The following PDXDC1 variants were observed in gnomAD, a reference collection of about 807,000 sequenced individuals.
The protein encoded by PDXDC1 is pyridoxal dependent decarboxylase domain containing 1.
A neutral mutation model predicts 100.1 loss-of-function variants in PDXDC1; 42 were observed. The ratio of observed to expected loss-of-function variants is 0.42; its 90% confidence interval spans 0.33 to 0.54. The LOEUF is 0.54. Among genes scored for constraint, PDXDC1 ranks in the 20% least tolerant of loss-of-function variants. The pLI is 0.10. For missense variants in PDXDC1, 636 were observed against 979.2 expected (o/e 0.65, Z 4.68); for synonymous variants, 260 against 371.7 (o/e 0.70, Z 3.46).
rs908872470 is a variant in PDXDC1 at position 15,061,979 on chromosome 16, G to C, written c.1399+31923G>C. 26 of 1,433,580 alleles carry C rather than the reference G, an allele frequency of 1.8e-5. No homozygotes were observed. In the African/African-American group the frequency reaches 3.4e-4, roughly 19 times the overall value. The allele number at this position is 1,433,580 out of a possible 1,614,324, so 88.8% of individuals were successfully genotyped here. A position where few individuals can be genotyped will look rare whatever the true frequency, so the allele number is the denominator to read the frequency against. ...AAGCTTTCAACAATTCCTTCCTCAG[G>C]AAGGTGTTAACGTTTGTAAAGATGG... is the stretch of plus-strand genomic sequence containing the variant. On this transcript the variant is annotated intron_variant, in intron 16 of 16. Coordinates refer to the PDXDC1 transcript ENST00000535621.
At chr16:15,078,881 G>A (rs1409693029) in intron 16 of PDXDC1, among the ~76,000 whole-genome samples, 2 of 148,968 alleles carry the variant, frequency 1.3e-5, no homozygotes, top group African/African-American at 2.5e-5. Context: ...GCGCAATCTC[G>A]GCTCACTGCA....
chr16:15,037,872 TTTTATTTTGAAA>T lies in PDXDC1; in HGVS notation c.*1598_*1609del. 3.7e-6 allele frequency: 2 copies of T among 535,924 alleles called. No individual in the cohort carries two copies. Among genetic ancestry groups the T allele is most frequent in the Non-Finnish European group, 6.6e-6 (2 of 304,548 alleles). 33.2% of individuals were successfully genotyped at this position (535,924 alleles called of 1,614,324 possible). ...AACAAATGCCTTTGCCAAAATAAGG[TTTTATTTTGAAA>T]GTCATTTGATGAAAGTCATTTGAAA... On this transcript the variant is annotated 3_prime_UTR_variant, in exon 23 of 23. Coordinates refer to ENST00000396410, the MANE Select transcript of PDXDC1 (RefSeq NM_015027.4).
At chr16:15,077,232 G>A (rs1196805861) in intron 16 of PDXDC1, among the ~76,000 whole-genome samples, 14 of 151,994 alleles carry the variant, frequency 9.2e-5, no homozygotes, top group Admixed American at 9.2e-4. Context: ...ACCGGCCTCA[G>A]CTTCCCAAAG....
intron 16 of PDXDC1, among the ~76,000 whole-genome samples, chr16:15,066,541 G>T (rs1470923907): frequency 6.6e-6 from 1 of 151,874 alleles, no homozygotes; most frequent in Non-Finnish European, 1.5e-5. Flanking sequence ...GCTGAGGCAG[G>T]AGAACTGCAT....
At chr16:15,017,711 C>T (rs1259649722) in intron 11 of PDXDC1, among the ~76,000 whole-genome samples, 1 of 152,142 alleles carries the variant, frequency 6.6e-6, no homozygotes, top group African/African-American at 2.4e-5. Flanking sequence ...TAATTATTTC[C>T]TTAGAATAGG....
At position 15,033,376 on chromosome 16, in the gene PDXDC1, C is replaced by T. The variant is rs778748449; in HGVS notation, c.1789C>T (p.Arg597Trp). ...CGTGGAGACCATTGCGGCCACAGCCCGGGAGATAGAGGAGAACTCGAGGGT... is the reference window on the plus strand; with the variant it reads ...CGTGGAGACCATTGCGGCCACAGCCTGGGAGATAGAGGAGAACTCGAGGGT... ...ELVETIAATAREIEENSRLLE... is the reference protein window; with the variant it reads ...ELVETIAATAWEIEENSRLLE... The change falls in exon 19 of 23, where the codon CGG becomes TGG. Residue 597 changes from arginine to tryptophan, a missense_variant. By Grantham distance (101) the Arg-to-Trp change is moderately radical. Transcript: ENST00000396410. 112 of 1,614,126 alleles carry T rather than the reference C, an allele frequency of 6.9e-5. No individual in the cohort carries two copies. Among genetic ancestry groups the T allele is most frequent in the East Asian group, 8.9e-5 (4 of 44,886 alleles).
intron 16 of PDXDC1, chr16:15,083,525 T>A: frequency 6.2e-7 from 1 of 1,608,884 alleles, no homozygotes; most frequent in Non-Finnish European, 8.5e-7. Flanking sequence ...GTGTTCTCTC[T>A]GATTTTCGAA....
rs2043582889 is a variant in PDXDC1, at chr16:15,037,863, A to AAAAT, written c.*1591_*1594dup. On this transcript the variant is annotated 3_prime_UTR_variant, in exon 23 of 23. Transcript: ENST00000396410. ...ATAAGTCTCAACAAATGCCTTTGCC[A>AAAAT]AAATAAGGTTTTATTTTGAAAGTCA... The AAAAT allele has an allele frequency of 3.7e-6, 2 of 533,700 alleles. No individual in the cohort carries two copies. Among genetic ancestry groups the AAAAT allele is most frequent in the African/African-American group, 1.9e-5 (1 of 52,334 alleles). The allele number at this position is 533,700 out of a possible 1,614,324, so 33.1% of individuals were successfully genotyped here.
chr16:15,111,419 G>C (rs958685067), intron 16 of PDXDC1, among the ~76,000 whole-genome samples: 1 of 135,522 alleles, frequency 7.4e-6, no homozygotes, highest in African/African-American at 2.7e-5. Flanking sequence ...TTGTGCCATT[G>C]CACTCCAACC....
rs769580874 is a variant in PDXDC1 at position 15,131,127 on chromosome 16, C to G, written c.1400-7752C>G. On this transcript the variant is annotated intron_variant, in intron 16 of 16. Coordinates refer to the PDXDC1 transcript ENST00000535621. ...AGTTGAGCTGCAGATGCAGCACGGC[C>G]GCAGGGTTGCTGCTGTCCAGGGTGA... The G allele has an allele frequency of 5.6e-6, 9 of 1,603,300 alleles. No homozygotes were observed. In the East Asian group the frequency reaches 2.0e-4, roughly 36 times the overall value.
At chr16:15,135,391 G>A (rs1404839802) in intron 16 of PDXDC1, 48 of 1,499,874 alleles carry the variant, frequency 3.2e-5, no homozygotes, top group Middle Eastern at 4.6e-4. Context: ...TGCTGCTCCC[G>A]CGGGGCCCAA....
downstream of PDXDC1, among the ~76,000 whole-genome samples, chr16:15,140,262 C>T (rs1465263682): frequency 2.7e-5 from 4 of 150,646 alleles, no homozygotes; most frequent in East Asian, 2.0e-4. Context: ...CTGACCAACA[C>T]GGAGACACCC....
chr16:15,139,575 G>GT (rs1388330080), downstream of PDXDC1, among the ~76,000 whole-genome samples: 1 of 146,372 alleles, frequency 6.8e-6, no homozygotes, highest in Non-Finnish European at 1.5e-5. Flanking sequence ...AAGGCCAGGA[G>GT]TTTGAGACCA....
downstream of PDXDC1, among the ~76,000 whole-genome samples, chr16:15,039,632 C>A (rs144356681): frequency 4.6e-5 from 7 of 152,248 alleles, no homozygotes; most frequent in African/African-American, 1.4e-4. Flanking sequence ...GGGGAGAAAC[C>A]TCTCTCCTGC....
At chr16:15,092,270 G>A (rs1040181416) in intron 16 of PDXDC1, among the ~76,000 whole-genome samples, 1 of 152,134 alleles carries the variant, frequency 6.6e-6, no homozygotes, top group Non-Finnish European at 1.5e-5. Context: ...ATTTGAAGAG[G>A]TGAAACCTCA....
intron 16 of PDXDC1, among the ~76,000 whole-genome samples, chr16:15,099,161 G>T (rs1015040516): frequency 6.6e-6 from 1 of 152,150 alleles, no homozygotes; most frequent in Admixed American, 6.5e-5. Context: ...TGTGGCTCAT[G>T]CCTGTAATCC....
chr16:15,135,306 G>A lies in PDXDC1; in HGVS notation c.1400-3573G>A, dbSNP rs1490831801. On this transcript the variant is annotated intron_variant, in intron 16 of 16. Coordinates refer to the PDXDC1 transcript ENST00000535621. ...GTCTGGTTGGTGGCCTCCTCCTTGC[G>A]GCCGGCCTTCCACACGGTGAGGCTG... 66 of 1,525,732 alleles carry A rather than the reference G, an allele frequency of 4.3e-5. 1 individual carries two copies. In the South Asian group the frequency reaches 7.2e-4, roughly 17 times the overall value. 94.5% of individuals were successfully genotyped at this position (1,525,732 alleles called of 1,614,324 possible). A position where few individuals can be genotyped will look rare whatever the true frequency, so the allele number is the denominator to read the frequency against.
At chr16:15,080,703 T>C (rs2045661118) in intron 16 of PDXDC1, among the ~76,000 whole-genome samples, 1 of 152,198 alleles carries the variant, frequency 6.6e-6, no homozygotes, top group Admixed American at 6.5e-5. Flanking sequence ...ATTATGGGCA[T>C]AAGCCACTGC....
At chr16:15,032,634 AC>A (rs2043133327) in intron 17 of PDXDC1, 1 of 353,856 alleles carries the variant, frequency 2.8e-6, no homozygotes, top group Admixed American at 6.2e-5. Context: ...AGCCTGGGCC[AC>A]CAAGTGAGAC....
Sources: allele counts gnomAD v4.1 joint callset (sites outside exome capture counted in the v4.1 genomes callset), GRCh38; gene constraint gnomAD v4.1.1; transcripts MANE v1.5; gene names NCBI Gene and HGNC (gene_info 2026-07-23, HGNC 2026-07-21).